Variants in KANK1 observed in about 807,000 individuals in gnomAD.
The protein encoded by KANK1 is KN motif and ankyrin repeat domains 1.
KANK1 carries 109 observed loss-of-function variants against 106.2 expected under a neutral mutation model. That is an observed-to-expected ratio of 1.03 (90% confidence interval 0.88 to 1.20). The LOEUF (loss-of-function observed/expected upper bound fraction) is 1.20, where lower values mean the gene tolerates loss of function less well. Among genes scored for constraint, KANK1 ranks in the 50% most tolerant of loss-of-function variants. KANK1 has a pLI of 0.00. For missense variants in KANK1, 2,399 were observed against 1,710.7 expected, an observed-to-expected ratio of 1.40 and a Z score of -7.10; for synonymous variants, 873 against 652.2, an observed-to-expected ratio of 1.34 and a Z score of -5.16.
chr9:635,244 C>A lies in KANK1; in HGVS notation c.-83-41646C>A, dbSNP rs560591500. ...TGCCTACCACCAAACCTGCTCTCTGCCCCTCTAGATTTTAGGTACCCAGCC... is the reference window on the plus strand; with the variant it reads ...TGCCTACCACCAAACCTGCTCTCTGACCCTCTAGATTTTAGGTACCCAGCC... On this transcript the variant is annotated intron_variant, in intron 1 of 11. Coordinates refer to ENST00000382297, the MANE Select transcript of KANK1 (RefSeq NM_015158.5). Among the ~76,000 whole-genome samples, 3 of 152,230 alleles carry A rather than the reference C, an allele frequency of 2.0e-5. No individual in the cohort carries two copies. In the South Asian group the frequency reaches 6.2e-4, roughly 32 times the overall value.
intron 2 of KANK1, among the ~76,000 whole-genome samples, chr9:703,436 G>A (rs1179640666): frequency 6.6e-6 from 1 of 152,030 alleles, no homozygotes; most frequent in African/African-American, 2.4e-5. Context: ...ATTTTCTGTA[G>A]CCAATTAAGC....
Position 522,654 on chromosome 9 carries a change from G to A in KANK1, c.-84+17900G>A, listed in dbSNP as rs547096332. On this transcript the variant is annotated intron_variant, in intron 1 of 11. Coordinates refer to ENST00000382297, the MANE Select transcript of KANK1 (RefSeq NM_015158.5). The stretch of plus-strand genomic sequence containing the variant: ...AGACCATAATGGTTACTTCTGCAGG[G>A]ACAGATCTGGAAGGGACTTCATGCT... 3.3e-5 allele frequency among the ~76,000 whole-genome samples: 5 copies of A among 151,910 alleles called. No individual in the cohort carries two copies. In the South Asian group the frequency reaches 1.0e-3, roughly 31 times the overall value.
chr9:558,896 G>C (rs1815614409), intron 1 of KANK1: 1 of 152,022 alleles, frequency 6.6e-6, no homozygotes, highest in Non-Finnish European at 1.5e-5. Context: ...CCCTGTGCAA[G>C]GATGACACAA....
intron 1 of KANK1, among the ~76,000 whole-genome samples, chr9:606,177 A>ACACCACT (rs1241257380): frequency 7.1e-6 from 1 of 139,986 alleles, no homozygotes; most frequent in African/African-American, 2.5e-5. Context: ...ACACACACAC[A>ACACCACT]CACACCACTC....
At chr9:740,729 C>A (rs894426215) in intron 8 of KANK1, 63 bp from the exon 9 acceptor site, 2 of 1,552,720 alleles carry the variant, frequency 1.3e-6, no homozygotes, top group Non-Finnish European at 1.7e-6. Flanking sequence ...TCAGTGGCTT[C>A]GTAAGCGGCT....
chr9:605,815 C>T (rs955867246), intron 1 of KANK1, among the ~76,000 whole-genome samples: 1 of 151,632 alleles, frequency 6.6e-6, no homozygotes, highest in African/African-American at 2.4e-5. Flanking sequence ...AACAGAGAGC[C>T]ACTGTGCCCA....
At chr9:667,744 T>TTTTTTTTTTTTTAGA (rs1563955706) in intron 1 of KANK1, among the ~76,000 whole-genome samples, 1 of 125,862 alleles carries the variant, frequency 7.9e-6, no homozygotes. Flanking sequence ...GTTTTTTTGT[T>TTTTTTTTTTTTTAGA]TTGTTTTTTT....
intron 1 of KANK1, among the ~76,000 whole-genome samples, chr9:572,970 A>C (rs1316661759): frequency 6.6e-6 from 1 of 152,180 alleles, no homozygotes; most frequent in African/African-American, 2.4e-5. Flanking sequence ...GTCCTAATAC[A>C]ATAAAGTTGA....
intron 2 of KANK1, among the ~76,000 whole-genome samples, chr9:688,952 G>A (rs902129419): frequency 6.6e-6 from 1 of 152,142 alleles, no homozygotes; most frequent in Non-Finnish European, 1.5e-5. Flanking sequence ...TCTTGGGAAG[G>A]TCTCTACAGA....
At chr9:665,311 A>C (rs537233761) in intron 1 of KANK1, among the ~76,000 whole-genome samples, 11 of 152,330 alleles carry the variant, frequency 7.2e-5, no homozygotes, top group Admixed American at 2.0e-4. Context: ...TGTTAGATTT[A>C]AGTCTAAATC....
chr9:547,677 T>G (rs1176116237), intron 1 of KANK1, among the ~76,000 whole-genome samples: 4 of 145,282 alleles, frequency 2.8e-5, no homozygotes, highest in African/African-American at 9.7e-5. Context: ...ATAGGGCTAG[T>G]GATAAGAATT....
At chr9:626,661 G>T (rs896661768) in intron 1 of KANK1, among the ~76,000 whole-genome samples, 2 of 152,162 alleles carry the variant, frequency 1.3e-5, no homozygotes, top group African/African-American at 4.8e-5. Context: ...CTGAGGGCTG[G>T]TTACCACTAT....
Position 647,322 on chromosome 9 carries a change from G to A in KANK1, c.-83-29568G>A, listed in dbSNP as rs910368380. Among the ~76,000 whole-genome samples, 43 of 148,340 alleles carry A rather than the reference G, an allele frequency of 2.9e-4. 1 individual carries two copies. The highest frequency in any genetic ancestry group is 1.5e-3 in the South Asian group (7 of 4,726). Reference sequence around the variant, plus strand: ...TCTGGGTAAGATATGTCATTATTACGTAATGATGTCTTATTCTTGGCATTA... The same window carrying A: ...TCTGGGTAAGATATGTCATTATTACATAATGATGTCTTATTCTTGGCATTA... On this transcript the variant is annotated intron_variant, in intron 1 of 11. Transcript: ENST00000382297.
At chr9:653,270 G>A (rs1841329677) in intron 1 of KANK1, among the ~76,000 whole-genome samples, 1 of 152,022 alleles carries the variant, frequency 6.6e-6, no homozygotes, top group African/African-American at 2.4e-5. Flanking sequence ...GTAGTTCGAG[G>A]CCAACTGGAA....
At chr9:730,420 G>A (rs1831900644) in intron 4 of KANK1, 172 bp downstream of exon 4, 2 of 711,340 alleles carry the variant, frequency 2.8e-6, no homozygotes, top group African/African-American at 1.8e-5. Flanking sequence ...GGCCGGGCAT[G>A]GTGGCTCACA....
At chr9:689,655 G>C (rs1165639260) in intron 2 of KANK1, among the ~76,000 whole-genome samples, 1 of 152,174 alleles carries the variant, frequency 6.6e-6, no homozygotes. Context: ...CCTTGGTGCT[G>C]TGGAAAGGGC....
intron 3 of KANK1, among the ~76,000 whole-genome samples, chr9:719,832 C>G (rs1828846339): frequency 6.6e-6 from 1 of 152,074 alleles, no homozygotes; most frequent in Admixed American, 6.5e-5. Flanking sequence ...GCCACTGCAG[C>G]CCCCAACTTC....
chr9:577,178 G>A (rs544629144), intron 1 of KANK1, among the ~76,000 whole-genome samples: 20 of 152,224 alleles, frequency 1.3e-4, no homozygotes, highest in East Asian at 3.8e-4. Flanking sequence ...GAACCCAAGC[G>A]GGTTGCCTCT....
intron 1 of KANK1, among the ~76,000 whole-genome samples, chr9:568,133 T>C (rs77128878): frequency 0.013 from 2,014 of 152,282 alleles, 49 homozygotes; most frequent in African/African-American, 0.047. Context: ...TGTGTGAGAA[T>C]AGTTTACATT....
Sources: gnomAD v4.1 joint callset for allele counts (sites outside exome capture counted in the v4.1 genomes callset) on GRCh38, gnomAD v4.1.1 for gene constraint, MANE v1.5 for transcripts, NCBI Gene and HGNC (gene_info 2026-07-23, HGNC 2026-07-21) for gene names.